CNTN4: variants seen among roughly 807,000 people sequenced by gnomAD.
CNTN4 encodes contactin-4.
CNTN4 carries 77 observed loss-of-function variants against 122.5 expected under a neutral mutation model. The ratio of observed to expected loss-of-function variants is 0.63; its 90% confidence interval spans 0.52 to 0.76. The LOEUF (loss-of-function observed/expected upper bound fraction) is 0.76, where lower values mean the gene tolerates loss of function less well. Ranked by LOEUF, CNTN4 falls within the 30% of genes least tolerant of loss-of-function variation. The pLI is 0.00. For synonymous variants in CNTN4, 512 were observed against 447.0 expected (o/e 1.15, Z -1.83); for missense variants, 1,256 against 1,259.1 (o/e 1.00, Z 0.04).
At chr3:2,309,441 A>G (rs546423204) in intron 2 of CNTN4, among the ~76,000 whole-genome samples, 111 of 152,276 alleles carry the variant, frequency 7.3e-4, no homozygotes, top group Middle Eastern at 3.4e-3. Flanking sequence ...ACAGCGCTTA[A>G]TATATTTATA....
intron 3 of CNTN4, among the ~76,000 whole-genome samples, chr3:2,561,520 T>G (rs994567976): frequency 2.6e-5 from 4 of 152,130 alleles, no homozygotes; most frequent in African/African-American, 9.7e-5. Context: ...TGGCACGGTG[T>G]GCTCCCTGTA....
intron 4 of CNTN4, among the ~76,000 whole-genome samples, chr3:2,727,539 A>T (rs942884201): frequency 2.0e-5 from 3 of 152,222 alleles, no homozygotes; most frequent in African/African-American, 7.2e-5. Flanking sequence ...GGGTCAGAGT[A>T]GGATACATTG....
intron 2 of CNTN4, among the ~76,000 whole-genome samples, chr3:2,116,685 A>G (rs1559256685): frequency 6.6e-6 from 1 of 152,094 alleles, no homozygotes; most frequent in Non-Finnish European, 1.5e-5. Flanking sequence ...CTAACACGAG[A>G]ATTTTTCAGA....
chr3:2,383,651 C>G (rs545746305), intron 3 of CNTN4, among the ~76,000 whole-genome samples: 99 of 150,562 alleles, frequency 6.6e-4, no homozygotes, highest in African/African-American at 2.3e-3. Context: ...CCGCCACTCT[C>G]TCTTCCCCCA....
chr3:2,167,044 A>C (rs1340719822), intron 2 of CNTN4, among the ~76,000 whole-genome samples: 1 of 152,202 alleles, frequency 6.6e-6, no homozygotes, highest in Non-Finnish European at 1.5e-5. Context: ...TGTTGTGTAC[A>C]TCAGACATAG....
intron 4 of CNTN4, among the ~76,000 whole-genome samples, chr3:2,624,194 A>G (rs1375622544): frequency 6.6e-6 from 1 of 152,188 alleles, no homozygotes; most frequent in Non-Finnish European, 1.5e-5. Context: ...AATTCTGTGT[A>G]TGTTATTTTA....
At chr3:2,290,120 A>G (rs2042078400) in intron 2 of CNTN4, among the ~76,000 whole-genome samples, 1 of 152,186 alleles carries the variant, frequency 6.6e-6, no homozygotes. Context: ...AACAACAAAA[A>G]TGTGGGAAAA....
intron 8 of CNTN4, among the ~76,000 whole-genome samples, chr3:2,879,863 CTTGT>C (rs779247022): frequency 7.9e-5 from 12 of 152,066 alleles, no homozygotes; most frequent in Non-Finnish European, 1.6e-4. Flanking sequence ...ACCTTAAAAA[CTTGT>C]TTTTTAAAAA....
At chr3:2,168,947 TAC>T (rs1312778341) in intron 2 of CNTN4, among the ~76,000 whole-genome samples, 2 of 152,186 alleles carry the variant, frequency 1.3e-5, no homozygotes, top group Non-Finnish European at 2.9e-5. Context: ...TTCTGCAAAA[TAC>T]ACAGATTCAG....
intron 4 of CNTN4, among the ~76,000 whole-genome samples, chr3:2,584,480 G>A (rs192671267): frequency 2.0e-5 from 3 of 152,060 alleles, no homozygotes; most frequent in African/African-American, 7.2e-5. Context: ...GAGGCGGGCG[G>A]ATCACCTGAG....
chr3:3,056,262 C>G lies in CNTN4; in HGVS notation c.*42C>G, dbSNP rs1448524543. 2.1e-6 allele frequency: 3 copies of G among 1,418,256 alleles called. No individual in the cohort carries two copies. The highest frequency in any genetic ancestry group is 3.0e-6 in the Non-Finnish European group (3 of 1,001,784). The allele number at this position is 1,418,256 out of a possible 1,614,324, so 87.9% of individuals were successfully genotyped here. ...GACTTGCTGTTTATAATATAAGCAACATTTAGCTAGTTGTTTTGAAGACAC... is the reference window on the plus strand; with the variant it reads ...GACTTGCTGTTTATAATATAAGCAAGATTTAGCTAGTTGTTTTGAAGACAC... On this transcript the variant is annotated 3_prime_UTR_variant, in exon 25 of 25. Transcript: ENST00000418658.
In CNTN4 at chr3:2,532,265, T is replaced by C. The variant is rs537673798; in HGVS notation, c.-88-39151T>C. On this transcript the variant is annotated intron_variant, in intron 3 of 24. Coordinates refer to ENST00000418658, the MANE Select transcript of CNTN4 (RefSeq NM_175607.3). ...GGATTTGGGGTTTTGTTTTTTGTTT[T>C]TTTGAGAGACAGCATCTCACCCTGT... Among the ~76,000 whole-genome samples the C allele has an allele frequency of 9.2e-5, 14 of 152,228 alleles. No homozygotes were observed. The South Asian group carries it at 2.9e-3, about 32-fold the overall frequency.
intron 3 of CNTN4, among the ~76,000 whole-genome samples, chr3:2,554,028 T>C (rs1392628603): frequency 2.0e-5 from 3 of 152,190 alleles, no homozygotes; most frequent in African/African-American, 7.2e-5. Flanking sequence ...GTGTACTGTA[T>C]ATGAATTGAT....
chr3:2,249,521 G>T (rs1240548922), intron 2 of CNTN4, among the ~76,000 whole-genome samples: 2 of 151,878 alleles, frequency 1.3e-5, no homozygotes, highest in Admixed American at 6.6e-5. Flanking sequence ...TTATAGAATG[G>T]GTAGGGTTTG....
chr3:2,658,965 GACACACAC>G (rs67168398), intron 4 of CNTN4, among the ~76,000 whole-genome samples: 3,850 of 139,620 alleles, frequency 0.028, 138 homozygotes, highest in African/African-American at 0.082. Flanking sequence ...CACACAAACA[GACACACAC>G]ACACACACAC....
At chr3:2,160,569 A>G (rs895745207) in intron 2 of CNTN4, among the ~76,000 whole-genome samples, 1 of 152,184 alleles carries the variant, frequency 6.6e-6, no homozygotes, top group African/African-American at 2.4e-5. Context: ...GTGACATCTA[A>G]CACCTAGTAA....
chr3:2,729,161 G>A (rs920743175), intron 4 of CNTN4, among the ~76,000 whole-genome samples: 1 of 152,190 alleles, frequency 6.6e-6, no homozygotes, highest in African/African-American at 2.4e-5. Context: ...TGTTCTAAGG[G>A]TCATGCGGCG....
At chr3:2,407,624 C>G (rs1396822208) in intron 3 of CNTN4, among the ~76,000 whole-genome samples, 4 of 152,164 alleles carry the variant, frequency 2.6e-5, no homozygotes, top group Admixed American at 1.3e-4. Flanking sequence ...ATACTTCGTA[C>G]TTGCTTCCTC....
chr3:2,317,864 T>C (rs71309883), intron 2 of CNTN4, among the ~76,000 whole-genome samples: 2 of 152,160 alleles, frequency 1.3e-5, no homozygotes, highest in African/African-American at 4.8e-5. Flanking sequence ...CTGAGAAGAC[T>C]AACGTCGTTT....
Sources: gnomAD v4.1 joint callset for allele counts (sites outside exome capture counted in the v4.1 genomes callset) on GRCh38, gnomAD v4.1.1 for gene constraint, MANE v1.5 for transcripts, NCBI Gene and HGNC (gene_info 2026-07-23, HGNC 2026-07-21) for gene names.